The following CACNG7 variants were observed in gnomAD, a reference collection of about 807,000 sequenced individuals.
CACNG7 encodes calcium voltage-gated channel auxiliary subunit gamma 7.
In CACNG7, 9 loss-of-function variants were observed where a neutral mutation model predicts 26.3. The ratio of observed to expected loss-of-function variants is 0.34; its 90% CI spans 0.21 to 0.60. CACNG7 has a LOEUF of 0.60. Ranked by LOEUF, CACNG7 falls within the 20% of genes least tolerant of loss-of-function variation. The pLI, the probability that CACNG7 is intolerant of heterozygous loss-of-function variation, is 0.81. For missense variants in CACNG7, 297 were observed against 380.4 expected, an observed-to-expected ratio of 0.78 and a Z score of 1.82; for synonymous variants, 170 against 157.0, an observed-to-expected ratio of 1.08 and a Z score of -0.62.
rs189317685 is a variant in CACNG7, at chr19:53,940,933, C to T, written c.425-537C>T. ...AAAATTAGTCGGGAGTGGTGGCGGG[C>T]GCCTGTAATCCCAGCTACTTGGGAG... is the stretch of plus-strand genomic sequence containing the variant. On this transcript the variant is annotated intron_variant, in intron 4 of 5. Coordinates refer to ENST00000391767, the MANE Select transcript of CACNG7 (RefSeq NM_031896.5). This position sits in a 1 kb window ranked among gnomAD's most constrained non-coding sequence, Gnocchi z 4.1. 8.7e-3 allele frequency among the ~76,000 whole-genome samples: 1,318 copies of T among 151,810 alleles called. 9 individuals are homozygous for T. The highest frequency in any genetic ancestry group is 0.013 in the Non-Finnish European group (893 of 67,916).
chr19:53,915,328 C>A (rs373486264), intron 3 of CACNG7, 37 bp from the exon 4 acceptor site: 19 of 1,498,262 alleles, frequency 1.3e-5, no homozygotes, highest in Non-Finnish European at 1.8e-5. Context: ...ACTGGAGATT[C>A]CCCCCTCACC....
intron 4 of CACNG7, among the ~76,000 whole-genome samples, chr19:53,938,361 G>C (rs1357485290): frequency 6.6e-6 from 1 of 151,890 alleles, no homozygotes; most frequent in Non-Finnish European, 1.5e-5. Context: ...AAGAAAAAAA[G>C]TAAAGAAAGT....
intron 5 of CACNG7, among the ~76,000 whole-genome samples, 172 bp from the exon 6 acceptor site, chr19:53,941,864 G>A (rs1274971863): frequency 2.0e-5 from 3 of 152,060 alleles, no homozygotes; most frequent in South Asian, 2.1e-4. Context: ...CAACCTGAGG[G>A]CTTGGACTCC....
chr19:53,924,601 G>GTTGCCCAGGCTGGTCATTGGTGGAC (rs2069006528), intron 4 of CACNG7, among the ~76,000 whole-genome samples: 1 of 144,938 alleles, frequency 6.9e-6, no homozygotes, highest in Non-Finnish European at 1.5e-5. Context: ...CATTGGTGGA[G>GTTGCCCAGGCTGGTCATTGGTGGAC]TTGCCCAGGC....
At chr19:53,916,236 T>C (rs1373975173) in intron 4 of CACNG7, among the ~76,000 whole-genome samples, 7 of 152,200 alleles carry the variant, frequency 4.6e-5, no homozygotes, top group African/African-American at 1.7e-4. Context: ...TACAGTTTTT[T>C]TTTCCTTCTT....
rs376228325 is a variant in CACNG7 at position 53,942,244 on chromosome 19, C to T, written c.779C>T (p.Pro260Leu). ...ATCCAAATGACGCAGAACTACCCTCCCGCCATCAAGTACCCGGACCACCTG... is the reference window on the plus strand; with the variant it reads ...ATCCAAATGACGCAGAACTACCCTCTCGCCATCAAGTACCCGGACCACCTG... ...VSIQMTQNYPPAIKYPDHLHI... is the reference protein window; with the variant it reads ...VSIQMTQNYPLAIKYPDHLHI... Residue 260 changes from proline to leucine, a missense_variant, in exon 6 of 6, where the codon CCC (proline) becomes CTC (leucine). Coordinates refer to ENST00000391767, the MANE Select transcript of CACNG7 (RefSeq NM_031896.5). This position sits in a 1 kb window ranked among gnomAD's most constrained non-coding sequence, Gnocchi z 5.9. The T allele has an allele frequency of 6.2e-6, 10 of 1,613,712 alleles. No homozygotes were observed. The highest frequency in any genetic ancestry group is 8.5e-6 in the Non-Finnish European group (10 of 1,179,922).
At chr19:53,913,876 G>A (rs1039255004) in intron 2 of CACNG7, among the ~76,000 whole-genome samples, 17 of 149,886 alleles carry the variant, frequency 1.1e-4, no homozygotes, top group South Asian at 4.2e-4. Context: ...CCCAGACCTC[G>A]TCCTCTTTAG....
At chr19:53,923,440 GT>G (rs2068984204) in intron 4 of CACNG7, among the ~76,000 whole-genome samples, 2 of 82,642 alleles carry the variant, frequency 2.4e-5, no homozygotes, top group African/African-American at 4.8e-5. Context: ...TGGTGGAGTT[GT>G]CCCCAGGCCT....
intron 4 of CACNG7, among the ~76,000 whole-genome samples, chr19:53,936,241 G>A (rs1013263157): frequency 6.6e-6 from 1 of 152,088 alleles, no homozygotes; most frequent in Non-Finnish European, 1.5e-5. Context: ...AGGAGGGAGT[G>A]GTTTGCTCAG....
At chr19:53,926,419 A>C (rs906428134) in intron 4 of CACNG7, among the ~76,000 whole-genome samples, 3 of 150,898 alleles carry the variant, frequency 2.0e-5, no homozygotes, top group African/African-American at 7.3e-5. Flanking sequence ...TCCTTTCCCC[A>C]CCTCCAACTC....
chr19:53,934,283 G>C (rs994219428), intron 4 of CACNG7, among the ~76,000 whole-genome samples: 1 of 152,144 alleles, frequency 6.6e-6, no homozygotes, highest in African/African-American at 2.4e-5. Flanking sequence ...GTTCTGTCTA[G>C]ACTAGAGGCT....
intron 4 of CACNG7, among the ~76,000 whole-genome samples, chr19:53,924,109 G>T (rs2068997461): frequency 6.9e-6 from 1 of 144,862 alleles, no homozygotes; most frequent in Non-Finnish European, 1.5e-5. Flanking sequence ...TCTGGGTATT[G>T]GTGGACTTGC....
chr19:53,924,479 G>A (rs1387983511), intron 4 of CACNG7, among the ~76,000 whole-genome samples: 1 of 148,308 alleles, frequency 6.7e-6, no homozygotes, highest in Non-Finnish European at 1.5e-5. Context: ...GTTGTCCGAG[G>A]TCTGGTATTG....
At chr19:53,934,891 G>A (rs1369985810) in intron 4 of CACNG7, among the ~76,000 whole-genome samples, 1 of 151,624 alleles carries the variant, frequency 6.6e-6, no homozygotes, top group South Asian at 2.1e-4. Context: ...GAAAATTTAA[G>A]ACTACAGGAC....
Position 53,915,399 on chromosome 19 carries a change from C to A in CACNG7, c.318C>A (p.Val106=). The A allele has an allele frequency of 6.2e-7, 1 of 1,614,084 alleles. No homozygotes were observed. The change falls in exon 4 of 6, where the codon GTC becomes GTA. Residue 106 remains valine (V), a synonymous_variant. Coordinates refer to ENST00000391767, the MANE Select transcript of CACNG7 (RefSeq NM_031896.5). ...GCACGGCCACCCCCTTCCCCATGGT[C>A]AGCCTCTTCCTCGTGTTCACGGCCT... ...TVRTATPFPM[V]SLFLVFTAFV... is the part of the protein sequence containing the mutation.
intron 2 of CACNG7, among the ~76,000 whole-genome samples, chr19:53,913,630 T>A (rs529817661): frequency 6.6e-6 from 1 of 150,982 alleles, no homozygotes; most frequent in South Asian, 2.1e-4. Flanking sequence ...TCCATCTCAC[T>A]CTCCCTAGCT....
rs2068867736 is a variant in CACNG7 at position 53,912,579 on chromosome 19, G to A, written c.-29-224G>A. ...GATCTGGATCTGGAGCTAGACCACA[G>A]GCAGCAGGTTTGGGGAGCCCAGCCC... is the stretch of plus-strand genomic sequence containing the variant. On this transcript the variant is annotated intron_variant, in intron 1 of 5. Transcript: ENST00000391767. The surrounding 1 kb of genome is among the most constrained non-coding windows in gnomAD (Gnocchi z 4.6). Among the ~76,000 whole-genome samples the A allele has an allele frequency of 6.6e-6, 1 of 152,214 alleles. No homozygotes were observed. The highest frequency in any genetic ancestry group is 2.1e-4 in the South Asian group (1 of 4,834).
intron 2 of CACNG7, among the ~76,000 whole-genome samples, chr19:53,913,430 T>A (rs1054577095): frequency 2.6e-5 from 4 of 152,136 alleles, no homozygotes; most frequent in South Asian, 2.1e-4. Context: ...GAGACCAGCC[T>A]GGCCGACATG....
rs3039168 is a variant in CACNG7, at chr19:53,911,073, A to AT, written c.-30+1567dup. On this transcript the variant is annotated intron_variant, in intron 1 of 5. Coordinates refer to ENST00000391767, the MANE Select transcript of CACNG7 (RefSeq NM_031896.5). The stretch of plus-strand genomic sequence containing the variant: ...GGTGGTGGGGTCCAGCTCATTCATG[A>AT]TTTTTTTTTTTGAGATGGAGTCTCA... Among the ~76,000 whole-genome samples the AT allele has an allele frequency of 2.0e-3, 286 of 146,196 alleles. 1 individual carries two copies. Among genetic ancestry groups the AT allele is most frequent in the African/African-American group, 5.5e-3 (217 of 39,422 alleles).
Sources: allele counts gnomAD v4.1 joint callset (sites outside exome capture counted in the v4.1 genomes callset), GRCh38; gene constraint gnomAD v4.1.1; non-coding constraint Gnocchi (gnomAD v3.1); transcripts MANE v1.5; gene names NCBI Gene and HGNC (gene_info 2026-07-23, HGNC 2026-07-21).